The following TARP variants were observed in gnomAD, a reference collection of about 807,000 sequenced individuals.
At chr7:38,266,385 C>G in the TARP span, among the ~76,000 whole-genome samples, 3 of 151,770 alleles carry the variant, frequency 2.0e-5, no homozygotes, top group Non-Finnish European at 2.9e-5. Flanking sequence ...TAGCTCACTG[C>G]AGTCTCGACT....
At chr7:38,259,931 A>G in the TARP span, 59 of 697,352 alleles carry the variant, frequency 8.5e-5, no homozygotes, top group South Asian at 1.1e-3. Flanking sequence ...CTGTGTGCCC[A>G]CTGGTTTGAA....
the TARP span, among the ~76,000 whole-genome samples, chr7:38,262,924 G>T: frequency 6.6e-6 from 1 of 151,608 alleles, no homozygotes; most frequent in Non-Finnish European, 1.5e-5. Flanking sequence ...CTCACAAAAT[G>T]CTGGGATTAC....
At chr7:38,266,486 A>G in the TARP span, among the ~76,000 whole-genome samples, 15 of 151,992 alleles carry the variant, frequency 9.9e-5, no homozygotes, top group Non-Finnish European at 2.1e-4. Flanking sequence ...TTTTTTTTCT[A>G]GGAACATGTT....
At chr7:38,261,904 A>G in the TARP span, among the ~76,000 whole-genome samples, 1 of 151,124 alleles carries the variant, frequency 6.6e-6, no homozygotes, top group East Asian at 1.9e-4. Context: ...AAAAGAAAAA[A>G]GACACATGAA....
At chr7:38,262,626 A>C in the TARP span, among the ~76,000 whole-genome samples, 1 of 151,450 alleles carries the variant, frequency 6.6e-6, no homozygotes, top group Non-Finnish European at 1.5e-5. Context: ...ACATCAGCAA[A>C]AAGATTAATT....
chr7:38,264,075 T>A, the TARP span, among the ~76,000 whole-genome samples: 1 of 84,852 alleles, frequency 1.2e-5, no homozygotes, highest in Admixed American at 9.6e-5. Context: ...TATCCTGAGT[T>A]CTCTCTCTCT....
chr7:38,266,629 A>G, the TARP span, among the ~76,000 whole-genome samples: 3 of 151,616 alleles, frequency 2.0e-5, no homozygotes, highest in Non-Finnish European at 4.4e-5. Flanking sequence ...TTTAACATAC[A>G]CAGTCACTTG....
At chr7:38,269,275 G>A in the TARP span, among the ~76,000 whole-genome samples, 2 of 151,724 alleles carry the variant, frequency 1.3e-5, no homozygotes, top group East Asian at 1.9e-4. Context: ...ATGGAAGTCC[G>A]TATATGCACA....
the TARP span, among the ~76,000 whole-genome samples, chr7:38,268,439 T>G: frequency 6.6e-6 from 1 of 151,662 alleles, no homozygotes; most frequent in African/African-American, 2.4e-5. Context: ...GCTAAATAGT[T>G]ATAGCCATTT....
chr7:38,266,727 A>T, the TARP span, among the ~76,000 whole-genome samples: 2 of 151,798 alleles, frequency 1.3e-5, no homozygotes, highest in Non-Finnish European at 2.9e-5. Flanking sequence ...CAGTCCCCCT[A>T]GTTAATATCT....
chr7:38,265,323 G>C, the TARP span: 7 of 1,545,576 alleles, frequency 4.5e-6, no homozygotes, highest in East Asian at 1.6e-4. Context: ...GAAGTGTTCT[G>C]ACAGATGATA....
At chr7:38,265,047 A>G in the TARP span, among the ~76,000 whole-genome samples, 1 of 151,302 alleles carries the variant, frequency 6.6e-6, no homozygotes, top group East Asian at 1.9e-4. Flanking sequence ...TCACGTTGCT[A>G]GATGCTTCTG....
At chr7:38,272,668 A>G in the TARP span, among the ~76,000 whole-genome samples, 1 of 149,448 alleles carries the variant, frequency 6.7e-6, no homozygotes, top group Non-Finnish European at 1.5e-5. Flanking sequence ...TTATAATTTG[A>G]ACAACTGGTA....
the TARP span, among the ~76,000 whole-genome samples, chr7:38,264,602 AG>A: frequency 6.6e-6 from 1 of 151,548 alleles, no homozygotes; most frequent in East Asian, 1.9e-4. Flanking sequence ...AAAAAAAAAA[AG>A]ACTTTTTACT....
the TARP span, among the ~76,000 whole-genome samples, chr7:38,266,908 T>C: frequency 6.6e-6 from 1 of 151,904 alleles, no homozygotes; most frequent in Admixed American, 6.6e-5. Context: ...GAAATACTCT[T>C]GTGTTAATCT....
chr7:38,262,967 T>C, the TARP span, among the ~76,000 whole-genome samples: 44,252 of 151,166 alleles, frequency 0.29, 7,315 homozygotes, highest in African/African-American at 0.44. Flanking sequence ...CCAAGAATTC[T>C]TTCAGTCCTT....
chr7:38,262,296 G>C, the TARP span: 11 of 1,094,446 alleles, frequency 1.0e-5, no homozygotes, highest in Non-Finnish European at 1.5e-5. Context: ...AAAACCTGTC[G>C]ACAGAGAGGC....
At chr7:38,268,061 G>A in the TARP span, among the ~76,000 whole-genome samples, 103 of 151,026 alleles carry the variant, frequency 6.8e-4, no homozygotes, top group Non-Finnish European at 1.3e-3. Context: ...GATTACACAT[G>A]GTAAGGGCCG....
At chr7:38,273,024 A>T in the TARP span, among the ~76,000 whole-genome samples, 1 of 150,786 alleles carries the variant, frequency 6.6e-6, no homozygotes, top group Admixed American at 6.7e-5. Flanking sequence ...TATCTTTATG[A>T]GATGTTTTCT....
Sources: allele counts gnomAD v4.1 joint callset (sites outside exome capture counted in the v4.1 genomes callset), GRCh38; gene constraint gnomAD v4.1.1; transcripts MANE v1.5.